DTNB: variants seen among roughly 807,000 people sequenced by gnomAD.
The protein encoded by DTNB is dystrobrevin beta.
DTNB carries 63 observed loss-of-function variants against 90.7 expected under a neutral mutation model. The observed-to-expected ratio is 0.69, with a 90% confidence interval of 0.57 to 0.86. The LOEUF (loss-of-function observed/expected upper bound fraction) is 0.86. Ranked by LOEUF, DTNB falls within the 40% of genes least tolerant of loss-of-function variation. DTNB has a pLI of 0.00. For missense variants in DTNB, 744 were observed against 807.1 expected (o/e 0.92, Z 0.95); for synonymous variants, 277 against 286.7 (o/e 0.97, Z 0.34).
intron 9 of DTNB, among the ~76,000 whole-genome samples, chr2:25,493,510 T>C (rs564484269): frequency 6.6e-6 from 1 of 152,288 alleles, no homozygotes; most frequent in South Asian, 2.1e-4. Context: ...CTCCATCAAG[T>C]TGTTGTTCTT....
At chr2:25,553,825 C>A (rs1161855406) in intron 8 of DTNB, among the ~76,000 whole-genome samples, 2 of 143,766 alleles carry the variant, frequency 1.4e-5, no homozygotes, top group African/African-American at 5.2e-5. Context: ...ATTACAAAAA[C>A]CCCTTAACCC....
At chr2:25,568,066 G>A (rs977927953) in intron 8 of DTNB, among the ~76,000 whole-genome samples, 4 of 151,940 alleles carry the variant, frequency 2.6e-5, no homozygotes, top group South Asian at 2.1e-4. Flanking sequence ...GCTGAAGCAG[G>A]AGAATCGCTT....
At chr2:25,529,108 T>G (rs2077669976) in intron 9 of DTNB, among the ~76,000 whole-genome samples, 1 of 152,204 alleles carries the variant, frequency 6.6e-6, no homozygotes, top group African/African-American at 2.4e-5. Context: ...AGTAGATTAC[T>G]TAGTTCCTTA....
At chr2:25,485,607 T>C (rs1273882254) in intron 9 of DTNB, among the ~76,000 whole-genome samples, 1 of 152,170 alleles carries the variant, frequency 6.6e-6, no homozygotes, top group African/African-American at 2.4e-5. Context: ...CCAAATGTCA[T>C]AGCCTTTCTG....
chr2:25,580,612 C>T, intron 7 of DTNB, 109 bp downstream of exon 7: 1 of 1,063,838 alleles, frequency 9.4e-7, no homozygotes, highest in East Asian at 2.7e-5. Context: ...AGAATGACAG[C>T]AAATGTCAAC....
chr2:25,585,653 AT>A (rs2062259184), intron 6 of DTNB, among the ~76,000 whole-genome samples: 1 of 152,230 alleles, frequency 6.6e-6, no homozygotes, highest in South Asian at 2.1e-4. Flanking sequence ...CAACTTCATC[AT>A]TTCCAACAAA....
At chr2:25,610,573 G>A (rs1221588146) in intron 4 of DTNB, among the ~76,000 whole-genome samples, 1 of 152,110 alleles carries the variant, frequency 6.6e-6, no homozygotes, top group Non-Finnish European at 1.5e-5. Context: ...GTTCCCTCAT[G>A]AACATTTAAA....
At chr2:25,576,242 T>TTTTC (rs1553551298) in intron 8 of DTNB, among the ~76,000 whole-genome samples, 1 of 146,096 alleles carries the variant, frequency 6.8e-6, no homozygotes, top group Non-Finnish European at 1.5e-5. Flanking sequence ...TTTTTTTTTT[T>TTTTC]TGAGACAGAG....
chr2:25,401,738 G>T (rs2043773036), intron 16 of DTNB, among the ~76,000 whole-genome samples: 1 of 152,222 alleles, frequency 6.6e-6, no homozygotes, highest in Non-Finnish European at 1.5e-5. Context: ...CCTCTGCAGA[G>T]CATTCATAAC....
rs933515727 is a variant in DTNB, at chr2:25,634,080, C to G, written c.148+4934G>C. Reference sequence around the variant, plus strand: ...GCAGCCAGGAGGGAGGTGGGGGGGTCAGCCAGCCGCCCCGTCCGGGAGGGA... The same window carrying G: ...GCAGCCAGGAGGGAGGTGGGGGGGTGAGCCAGCCGCCCCGTCCGGGAGGGA... On this transcript the variant is annotated intron_variant, in intron 3 of 20. Coordinates refer to ENST00000406818, the MANE Select transcript of DTNB (RefSeq NM_021907.5). Among the ~76,000 whole-genome samples the G allele has an allele frequency of 5.9e-5, 9 of 151,930 alleles. No homozygotes were observed. The East Asian group carries it at 1.8e-3, about 30-fold the overall frequency.
chr2:25,577,748 A>T (rs59814342), intron 7 of DTNB, among the ~76,000 whole-genome samples: 11,603 of 152,104 alleles, frequency 0.076, 1,396 homozygotes, highest in African/African-American at 0.26. Context: ...CACGCCTGTA[A>T]TCCTAGCACT....
intron 8 of DTNB, 43 bp from the exon 9 acceptor site, chr2:25,531,640 G>A: frequency 6.4e-7 from 1 of 1,566,894 alleles, no homozygotes; most frequent in Non-Finnish European, 8.6e-7. Context: ...CCCTTCAAAA[G>A]AATGAAAGGA....
chr2:25,428,227 A>G (rs554805879), intron 14 of DTNB, among the ~76,000 whole-genome samples: 3 of 150,582 alleles, frequency 2.0e-5, no homozygotes, highest in South Asian at 2.1e-4. Flanking sequence ...TGTCTCTGCT[A>G]TTTTTCCTTC....
At chr2:25,439,406 G>A (rs1397099997) in intron 12 of DTNB, among the ~76,000 whole-genome samples, 1 of 152,142 alleles carries the variant, frequency 6.6e-6, no homozygotes, top group Non-Finnish European at 1.5e-5. Flanking sequence ...GGGGGCTGAG[G>A]TGGGAGGATT....
intron 8 of DTNB, among the ~76,000 whole-genome samples, chr2:25,536,878 G>A (rs1235855871): frequency 1.7e-4 from 26 of 152,264 alleles, no homozygotes; most frequent in East Asian, 3.9e-4. Flanking sequence ...GAGTTGCTGG[G>A]ACTACAGGCG....
chr2:25,541,703 T>C (rs1462477499), intron 8 of DTNB, among the ~76,000 whole-genome samples: 1 of 152,124 alleles, frequency 6.6e-6, no homozygotes, highest in Non-Finnish European at 1.5e-5. Flanking sequence ...TTATCATGAA[T>C]AGCGTTGCTA....
intron 6 of DTNB, among the ~76,000 whole-genome samples, chr2:25,589,857 C>T (rs1380472748): frequency 6.6e-6 from 1 of 152,202 alleles, no homozygotes; most frequent in Non-Finnish European, 1.5e-5. Context: ...CTCGGCCTGG[C>T]AGGCTGCACT....
chr2:25,531,621 A>C, intron 8 of DTNB, 24 bp from the exon 9 acceptor site: 1 of 1,611,604 alleles, frequency 6.2e-7, no homozygotes, highest in Non-Finnish European at 8.5e-7. Context: ...GAAAATAGTA[A>C]GGAATTAACC....
At chr2:25,378,920 G>A (rs1486193143) in intron 20 of DTNB, among the ~76,000 whole-genome samples, 1 of 152,228 alleles carries the variant, frequency 6.6e-6, no homozygotes, top group Non-Finnish European at 1.5e-5. Flanking sequence ...ATCCCAGGAA[G>A]GAAGTGGGCA....
Sources: allele counts gnomAD v4.1 joint callset (sites outside exome capture counted in the v4.1 genomes callset), GRCh38; gene constraint gnomAD v4.1.1; transcripts MANE v1.5; gene names NCBI Gene and HGNC (gene_info 2026-07-23, HGNC 2026-07-21).